GATAD1: variants seen among roughly 807,000 people sequenced by gnomAD.
The protein encoded by GATAD1 is GATA zinc finger domain-containing protein 1.
In GATAD1, 12 loss-of-function variants were observed where a neutral mutation model predicts 26.5. The ratio of observed to expected loss-of-function variants is 0.45; its 90% confidence interval spans 0.29 to 0.73. The LOEUF is 0.73. GATAD1 is among the 30% of genes least tolerant of loss of function. The pLI, the probability that GATAD1 is intolerant of heterozygous loss-of-function variation, is 0.10. For missense variants in GATAD1, 266 were observed against 342.1 expected, an observed-to-expected ratio of 0.78 and a Z score of 1.75; for synonymous variants, 129 against 133.1, an observed-to-expected ratio of 0.97 and a Z score of 0.21.
At chr7:92,490,740 T>C in the GATAD1 span, among the ~76,000 whole-genome samples, 5 of 151,452 alleles carry the variant, frequency 3.3e-5, no homozygotes, top group East Asian at 9.7e-4. Flanking sequence ...ACCAATAAAA[T>C]TACAGTGAAC....
At chr7:92,456,154 C>G (rs1379558290) in intron 4 of GATAD1, among the ~76,000 whole-genome samples, 3 of 152,136 alleles carry the variant, frequency 2.0e-5, no homozygotes, top group Non-Finnish European at 4.4e-5. Flanking sequence ...AAACATGATG[C>G]AAGTGTTCAA....
the GATAD1 span, among the ~76,000 whole-genome samples, chr7:92,480,668 A>G: frequency 1.4e-4 from 21 of 152,252 alleles, no homozygotes; most frequent in African/African-American, 3.6e-4. Flanking sequence ...GGAAGTTTCA[A>G]TGGGGGAGTA....
the GATAD1 span, chr7:92,492,878 T>C: frequency 1.7e-6 from 2 of 1,181,188 alleles, no homozygotes; most frequent in Admixed American, 1.7e-5. Flanking sequence ...ATAGCATTTT[T>C]TAAGGTGGAA....
At chr7:92,491,789 T>C in the GATAD1 span, among the ~76,000 whole-genome samples, 2 of 152,216 alleles carry the variant, frequency 1.3e-5, no homozygotes, top group Non-Finnish European at 2.9e-5. Flanking sequence ...TCTCTGACTT[T>C]CCATTCATAC....
chr7:92,487,355 GTTAAA>G, the GATAD1 span: 10 of 670,154 alleles, frequency 1.5e-5, no homozygotes, highest in African/African-American at 3.6e-5. Context: ...AACCAAATTT[GTTAAA>G]TTAAGAAGAA....
chr7:92,485,326 C>T, the GATAD1 span, among the ~76,000 whole-genome samples: 2 of 152,104 alleles, frequency 1.3e-5, no homozygotes, highest in Non-Finnish European at 2.9e-5. Flanking sequence ...TTCCTCCAGT[C>T]ATTGGAGCCA....
chr7:92,486,279 C>A, the GATAD1 span, among the ~76,000 whole-genome samples: 1 of 152,226 alleles, frequency 6.6e-6, no homozygotes, highest in Non-Finnish European at 1.5e-5. Context: ...GCAATTTGTC[C>A]TTCCTGGAGG....
At chr7:92,494,246 G>C in the GATAD1 span, 5 of 1,328,266 alleles carry the variant, frequency 3.8e-6, no homozygotes, top group African/African-American at 4.3e-5. Flanking sequence ...CACAAGGAAA[G>C]AGTGTAGCAT....
At chr7:92,473,254 G>A in the GATAD1 span, 1 of 152,120 alleles carries the variant, frequency 6.6e-6, no homozygotes, top group Non-Finnish European at 1.5e-5. Flanking sequence ...ATAATCCTGA[G>A]ATCTTGCACT....
chr7:92,450,487 T>G (rs1445285191), intron 2 of GATAD1: 3 of 537,102 alleles, frequency 5.6e-6, no homozygotes, highest in Non-Finnish European at 9.9e-6. Flanking sequence ...GTCCTTTGTC[T>G]CAGCAATTTT....
chr7:92,481,569 G>A, the GATAD1 span, among the ~76,000 whole-genome samples: 1 of 152,306 alleles, frequency 6.6e-6, no homozygotes, highest in East Asian at 1.9e-4. Context: ...CATGGTCCCG[G>A]TCCTTGTGTA....
the GATAD1 span, among the ~76,000 whole-genome samples, chr7:92,467,553 A>C: frequency 6.6e-6 from 1 of 152,226 alleles, no homozygotes; most frequent in African/African-American, 2.4e-5. Context: ...CTCTTAGTAC[A>C]TATGGTACCT....
chr7:92,491,617 T>C, the GATAD1 span: 1 of 684,084 alleles, frequency 1.5e-6, no homozygotes, highest in Non-Finnish European at 2.6e-6. Context: ...AGAAGCATTT[T>C]TCAAAGAGCT....
At chr7:92,461,468 GA>G (rs1789919925), downstream of GATAD1, 1 of 152,140 alleles carries the variant, frequency 6.6e-6, no homozygotes, top group Non-Finnish European at 1.5e-5. Flanking sequence ...CTGTTTCTCT[GA>G]TCGAATTCTG....
the GATAD1 span, among the ~76,000 whole-genome samples, chr7:92,486,655 T>G: frequency 6.6e-6 from 1 of 152,106 alleles, no homozygotes; most frequent in Non-Finnish European, 1.5e-5. Context: ...AGGCATACCA[T>G]CATGCATGGC....
At chr7:92,452,243 C>T (rs188252176) in intron 3 of GATAD1, among the ~76,000 whole-genome samples, 255 of 152,250 alleles carry the variant, frequency 1.7e-3, no homozygotes, top group African/African-American at 5.7e-3. Flanking sequence ...GTTATTGTGA[C>T]TGTCTGTACT....
chr7:92,473,283 G>A, the GATAD1 span: 2 of 152,080 alleles, frequency 1.3e-5, no homozygotes, highest in Non-Finnish European at 1.5e-5. Flanking sequence ...CTGTCTGTTG[G>A]GTTTCTGTAC....
chr7:92,489,382 T>A, the GATAD1 span: 8 of 1,612,608 alleles, frequency 5.0e-6, no homozygotes, highest in Non-Finnish European at 6.8e-6. Flanking sequence ...TAATAGCCAG[T>A]CTGGTTTTGA....
the GATAD1 span, chr7:92,468,789 G>T: frequency 1.3e-6 from 1 of 754,924 alleles, no homozygotes; most frequent in Non-Finnish European, 2.4e-6. Flanking sequence ...CTGAATTGGG[G>T]CGTAGTAGAG....
Sources: allele counts gnomAD v4.1 joint callset (sites outside exome capture counted in the v4.1 genomes callset), GRCh38; gene constraint gnomAD v4.1.1; transcripts MANE v1.5; gene names NCBI Gene and HGNC (gene_info 2026-07-23, HGNC 2026-07-21).